CCDC197: variants seen among roughly 807,000 people sequenced by gnomAD.
CCDC197 encodes uncharacterized protein CCDC197.
A neutral mutation model predicts 13.4 loss-of-function variants in CCDC197; 24 were observed. The observed-to-expected ratio is 1.80, with a 90% CI of 1.30 to 2.53. The LOEUF (loss-of-function observed/expected upper bound fraction) is 2.53, where lower values mean the gene tolerates loss of function less well. CCDC197 is among the 30% of genes most tolerant of loss of function. The pLI, the probability that CCDC197 is intolerant of heterozygous loss-of-function variation, is 0.00. For missense variants in CCDC197, 255 were observed against 148.8 expected (o/e 1.71, Z -3.71); for synonymous variants, 99 against 55.5 (o/e 1.78, Z -3.48).
intron 6 of CCDC197, among the ~76,000 whole-genome samples, chr14:94,005,412 G>A (rs1315501902): frequency 2.0e-5 from 3 of 152,144 alleles, no homozygotes; most frequent in Non-Finnish European, 4.4e-5. Context: ...TGAGAACGCT[G>A]GCAGCGGGCA....
rs886379859 is a variant in CCDC197 at position 94,003,997 on chromosome 14, C to G, written c.498+643C>G. Among the ~76,000 whole-genome samples the G allele has an allele frequency of 5.3e-5, 8 of 152,322 alleles. No individual in the cohort carries two copies. The highest frequency in any genetic ancestry group is 1.7e-4 in the African/African-American group (7 of 41,566). On this transcript the variant is annotated intron_variant, in intron 5 of 6. Coordinates refer to ENST00000636493, the MANE Select transcript of CCDC197 (RefSeq NM_001351596.2). The surrounding 1 kb of genome is among the most constrained non-coding windows in gnomAD (Gnocchi z 5.0). ...TGTCTTCAGTAAGGCTGGTGTCTCT[C>G]TGATCAGAGAGTCTGACCTGGAGTA...
At chr14:94,010,163 T>C (rs1441244632), downstream of CCDC197, among the ~76,000 whole-genome samples, 2 of 151,258 alleles carry the variant, frequency 1.3e-5, no homozygotes, top group East Asian at 1.9e-4. Context: ...GGCCAGGTTT[T>C]AAGAGTAGTA....
intron 4 of CCDC197, among the ~76,000 whole-genome samples, chr14:94,002,312 AG>A (rs1890543970): frequency 6.6e-6 from 1 of 151,210 alleles, no homozygotes; most frequent in Non-Finnish European, 1.5e-5. Context: ...TTTGGGAGAC[AG>A]GGTTTCACTC....
At chr14:93,999,426 A>G in intron 2 of CCDC197, 157 bp from the exon 3 acceptor site, 1 of 604,968 alleles carries the variant, frequency 1.7e-6, no homozygotes, top group Non-Finnish European at 2.9e-6. Flanking sequence ...ATGAAGGTGC[A>G]GAGACTCCTA....
intron 1 of CCDC197, among the ~76,000 whole-genome samples, chr14:93,989,414 T>G (rs954176114): frequency 2.6e-5 from 4 of 152,068 alleles, no homozygotes; most frequent in Admixed American, 2.6e-4. Flanking sequence ...GTCCCATGCC[T>G]CTCCCTAGAG....
At chr14:94,010,510 G>A (rs1301517022), downstream of CCDC197, among the ~76,000 whole-genome samples, 1 of 152,194 alleles carries the variant, frequency 6.6e-6, no homozygotes, top group Non-Finnish European at 1.5e-5. Context: ...AGTGAGTAGT[G>A]TAGTTTTTAA....
Position 94,001,307 on chromosome 14 carries a change from A to T in CCDC197, c.350A>T (p.His117Leu). The T allele has an allele frequency of 2.6e-6, 2 of 776,900 alleles. No homozygotes were observed. Among genetic ancestry groups the T allele is most frequent in the Non-Finnish European group, 4.8e-6 (2 of 415,808 alleles). 48.1% of individuals were successfully genotyped at this position (776,900 alleles called of 1,614,324 possible). A position where few individuals can be genotyped will look rare whatever the true frequency, so the allele number is the denominator to read the frequency against. ...HRSLESLEEDHRALMLSLKIR... is the reference protein window; with the variant it reads ...HRSLESLEEDLRALMLSLKIR... ...AGCCTGGAGTCTCTGGAGGAGGACC[A>T]CAGGGCTCTCATGTTGGTAACAGCT... Residue 117 changes from histidine to leucine, a missense_variant, in exon 4 of 7, where the codon CAC (histidine) becomes CTC (leucine). By Grantham distance (99) the His-to-Leu change is moderately conservative. Coordinates refer to ENST00000636493, the MANE Select transcript of CCDC197 (RefSeq NM_001351596.2).
intron 1 of CCDC197, among the ~76,000 whole-genome samples, chr14:93,992,250 C>T (rs1167823367): frequency 6.6e-6 from 1 of 152,084 alleles, no homozygotes; most frequent in East Asian, 1.9e-4. Context: ...GCAGAAGGAA[C>T]AGCAGGGAAG....
At chr14:93,988,454 T>G (rs1595345908) in intron 1 of CCDC197, among the ~76,000 whole-genome samples, 3 of 41,162 alleles carry the variant, frequency 7.3e-5, no homozygotes, top group African/African-American at 1.1e-4. Flanking sequence ...GAGGAGGAGA[T>G]GGGAGGAGGG....
downstream of CCDC197, among the ~76,000 whole-genome samples, chr14:94,010,993 C>G (rs375319880): frequency 1.3e-5 from 2 of 152,210 alleles, no homozygotes; most frequent in East Asian, 1.9e-4. Flanking sequence ...TAACAAGTCC[C>G]CAGATGTGGC....
chr14:94,008,937 G>T (rs1172367585), downstream of CCDC197: 1 of 601,218 alleles, frequency 1.7e-6, no homozygotes, highest in Non-Finnish European at 3.0e-6. Flanking sequence ...GGTGGTCAGG[G>T]TCCTGGGCTC....
At chr14:93,988,664 T>C (rs1210406496) in intron 1 of CCDC197, among the ~76,000 whole-genome samples, 1 of 23,164 alleles carries the variant, frequency 4.3e-5, no homozygotes, top group Non-Finnish European at 7.7e-5. Context: ...GTGGAGGGGA[T>C]AGGACGAGGG....
chr14:94,001,235 A>T lies in CCDC197; in HGVS notation c.278A>T (p.Gln93Leu), dbSNP rs1398628409. The T allele has an allele frequency of 1.3e-6, 1 of 780,864 alleles. No individual in the cohort carries two copies. Among genetic ancestry groups the T allele is most frequent in the Non-Finnish European group, 2.4e-6 (1 of 418,084 alleles). The allele number at this position is 780,864 out of a possible 1,614,324, so 48.4% of individuals were successfully genotyped here. Residue 93 changes from glutamine to leucine, a missense_variant, in exon 4 of 7, where the codon CAG (glutamine) becomes CTG (leucine). Physicochemically the swap from Gln to Leu is moderately radical, Grantham distance 113. Transcript: ENST00000636493. ...CTCTTCACAGCCAGCCAGGACACGC[A>T]GAAGCGCCTCGAGGCCTTCTGCCAG... ...GKLFTASQDT[Q>L]KRLEAFCQMI... is the part of the protein sequence containing the mutation.
At chr14:94,002,865 A>AAC (rs1890566205) in intron 4 of CCDC197, among the ~76,000 whole-genome samples, 1 of 150,714 alleles carries the variant, frequency 6.6e-6, no homozygotes, top group Admixed American at 6.6e-5. Context: ...AAAAAAAAAA[A>AAC]AACAAAATTA....
intron 2 of CCDC197, 171 bp from the exon 3 acceptor site, chr14:93,999,412 T>G: frequency 3.4e-6 from 2 of 587,174 alleles, no homozygotes; most frequent in South Asian, 4.1e-5. Flanking sequence ...TGCTCAGCAG[T>G]GAAATGAAGG....
upstream of CCDC197, among the ~76,000 whole-genome samples, chr14:93,994,410 C>T (rs541119785): frequency 2.2e-4 from 34 of 152,270 alleles, no homozygotes; most frequent in African/African-American, 7.9e-4. Context: ...AGTGCTACCA[C>T]CACCCTAGAG....
downstream of CCDC197, among the ~76,000 whole-genome samples, chr14:94,011,271 T>C (rs191669225): frequency 6.6e-6 from 1 of 152,326 alleles, no homozygotes; most frequent in African/African-American, 2.4e-5. Context: ...CTTCGAGGGC[T>C]CTATGTCATT....
chr14:93,995,048 G>A (rs540666792), upstream of CCDC197, among the ~76,000 whole-genome samples: 77 of 152,228 alleles, frequency 5.1e-4, no homozygotes, highest in Non-Finnish European at 8.4e-4. Context: ...CTTTGACGTC[G>A]GTGTGTCATG....
intron 3 of CCDC197, 64 bp downstream of exon 3, chr14:93,999,729 C>A (rs946548061): frequency 7.8e-6 from 6 of 772,640 alleles, no homozygotes; most frequent in Non-Finnish European, 1.4e-5. Flanking sequence ...TGCAGGACTG[C>A]GACACCGTGT....
Sources: gnomAD v4.1 joint callset for allele counts (sites outside exome capture counted in the v4.1 genomes callset) on GRCh38, gnomAD v4.1.1 for gene constraint, Gnocchi (gnomAD v3.1) non-coding constraint, MANE v1.5 for transcripts, NCBI Gene and HGNC (gene_info 2026-07-23, HGNC 2026-07-21) for gene names.